PCLO: variants seen among roughly 807,000 people sequenced by gnomAD.
PCLO encodes piccolo presynaptic cytomatrix protein.
A neutral mutation model predicts 427.5 loss-of-function variants in PCLO; 82 were observed. The ratio of observed to expected loss-of-function variants is 0.19; its 90% confidence interval spans 0.16 to 0.23. The LOEUF (loss-of-function observed/expected upper bound fraction) is 0.23. Among genes scored for constraint, PCLO ranks in the 10% least tolerant of loss-of-function variants. The pLI is 1.00. For missense variants in PCLO, 6,239 were observed against 6,115.9 expected (o/e 1.02, Z -0.67); for synonymous variants, 2,357 against 2,155.4 (o/e 1.09, Z -2.59).
chr7:83,061,549 T>G (rs1289548117), intron 3 of PCLO, among the ~76,000 whole-genome samples: 2 of 152,196 alleles, frequency 1.3e-5, no homozygotes, highest in African/African-American at 4.8e-5. Flanking sequence ...AAAAGGCATG[T>G]GTACAAGGGA....
At chr7:82,980,468 G>A (rs1331516951) in intron 3 of PCLO, among the ~76,000 whole-genome samples, 2 of 152,118 alleles carry the variant, frequency 1.3e-5, no homozygotes, top group Non-Finnish European at 2.9e-5. Flanking sequence ...AAAGTGGCAT[G>A]ATTGAGCCTG....
chr7:82,985,941 T>A (rs1036300092), intron 3 of PCLO, among the ~76,000 whole-genome samples: 1 of 151,970 alleles, frequency 6.6e-6, no homozygotes, highest in Non-Finnish European at 1.5e-5. Flanking sequence ...GAAACAAATA[T>A]TCATTTTAGT....
Position 83,107,264 on chromosome 7 carries a change from T to C in PCLO, c.3300+26986A>G, listed in dbSNP as rs577432940. 2.7e-3 allele frequency among the ~76,000 whole-genome samples: 410 copies of C among 152,260 alleles called. 2 individuals are homozygous for C. The highest frequency in any genetic ancestry group is 9.5e-3 in the African/African-American group (394 of 41,558). On this transcript the variant is annotated intron_variant, in intron 3 of 24. Transcript: ENST00000333891. ...CTGAATAATCATAGGAAATAAAATG[T>C]ACCTCTATTTACATTTTCTATGTAG...
intron 3 of PCLO, among the ~76,000 whole-genome samples, chr7:82,995,039 A>G (rs970705986): frequency 9.9e-5 from 15 of 152,028 alleles, no homozygotes; most frequent in Admixed American, 8.5e-4. Flanking sequence ...TAGGCTATGA[A>G]GTGATGATGC....
At chr7:82,921,148 G>A (rs1455318157) in intron 6 of PCLO, among the ~76,000 whole-genome samples, 5 of 151,640 alleles carry the variant, frequency 3.3e-5, no homozygotes, top group Non-Finnish European at 2.9e-5. Flanking sequence ...TCACCATACT[G>A]CCCAAAGCAA....
intron 9 of PCLO, among the ~76,000 whole-genome samples, chr7:82,892,683 C>T (rs1793799308): frequency 6.6e-6 from 1 of 152,000 alleles, no homozygotes; most frequent in Admixed American, 6.6e-5. Flanking sequence ...CCTCATCTGA[C>T]AAAGGGCTAA....
At chr7:83,097,513 C>A (rs920892987) in intron 3 of PCLO, among the ~76,000 whole-genome samples, 3 of 133,166 alleles carry the variant, frequency 2.3e-5, no homozygotes, top group South Asian at 2.3e-4. Context: ...CAGAGCAAGA[C>A]CCAGTCTCAA....
At chr7:83,040,622 C>G (rs1019930067) in intron 3 of PCLO, among the ~76,000 whole-genome samples, 7 of 152,168 alleles carry the variant, frequency 4.6e-5, no homozygotes, top group African/African-American at 9.7e-5. Flanking sequence ...GACCTACATA[C>G]AGTTCAGCCT....
rs866989104 is a variant in PCLO, at chr7:82,956,086, C to T, written c.4867G>A (p.Ala1623Thr). The T allele has an allele frequency of 1.2e-6, 2 of 1,611,514 alleles. No homozygotes were observed. Among genetic ancestry groups the T allele is most frequent in the Non-Finnish European group, 1.7e-6 (2 of 1,179,858 alleles). The change falls in exon 5 of 25, where the codon GCA (alanine) becomes ACA (threonine). Residue 1623 changes from alanine (A) to threonine (T), a missense_variant. This residue lies in a region of PCLO where 4,677 missense variants were observed against 4,468.4 expected (regional missense o/e 1.05). Coordinates refer to ENST00000333891, the MANE Select transcript of PCLO (RefSeq NM_033026.6). ...TCATGCCATGAGTGACGTCTTCCTG[C>T]ATCTTCATCAATGCTTGTGCTACTT... ...RKSSTSIDEDAGRRHSWHDED... is the reference protein window; with the variant it reads ...RKSSTSIDEDTGRRHSWHDED...
chr7:83,161,904 A>T (rs1792447037), intron 1 of PCLO, among the ~76,000 whole-genome samples: 1 of 152,240 alleles, frequency 6.6e-6, no homozygotes, highest in South Asian at 2.1e-4. Context: ...TTAAAGTTAC[A>T]GAAATATTTA....
At chr7:83,025,062 G>A (rs1171163559) in intron 3 of PCLO, among the ~76,000 whole-genome samples, 1 of 152,144 alleles carries the variant, frequency 6.6e-6, no homozygotes, top group South Asian at 2.1e-4. Context: ...CTCCTCCAAA[G>A]GAACGCAGTT....
At chr7:82,794,206 T>G (rs952147358) in intron 22 of PCLO, among the ~76,000 whole-genome samples, 2 of 152,042 alleles carry the variant, frequency 1.3e-5, no homozygotes, top group African/African-American at 4.8e-5. Context: ...TGTCTCACGC[T>G]GCAAGTTTAT....
intron 3 of PCLO, among the ~76,000 whole-genome samples, chr7:83,069,799 C>CACACACA (rs1554390633): frequency 7.9e-5 from 6 of 75,512 alleles, no homozygotes; most frequent in Admixed American, 1.8e-4. Context: ...ACCCCCCCGC[C>CACACACA]CACACACACA....
chr7:82,950,508 T>C lies in PCLO; in HGVS notation c.10080A>G (p.Ser3360=), dbSNP rs769480819. The change falls in exon 6 of 25, where the codon TCA becomes TCG. Residue 3360 remains serine (S), a synonymous_variant. Transcript: ENST00000333891. ...GTGGTATTTCAATTGCCACAACAGC[T>C]GAAGCTGTGGTGGTTGCATCTTCAG... ...WATEDATTTA[S]AVVAIEIPQS... The C allele has an allele frequency of 1.9e-6, 3 of 1,613,746 alleles. No homozygotes were observed. The highest frequency in any genetic ancestry group is 2.2e-5 in the East Asian group (1 of 44,832).
chr7:82,915,945 C>T lies in PCLO; in HGVS notation c.12041G>A (p.Gly4014Asp). Residue 4014 changes from glycine (G) to aspartate (D), a missense_variant, in exon 7 of 25, where the codon GGT becomes GAT. By Grantham distance (94) the Gly-to-Asp change is moderately conservative. Coordinates refer to ENST00000333891, the MANE Select transcript of PCLO (RefSeq NM_033026.6). ...SKYNSLDLRI[G>D]LEERSSMASS... ...TGCCATGCTACTTCTTTCCTCCAAA[C>T]CTATTCTCAAGTCTAAACTATTGTA... 1 of 1,613,126 alleles carries T rather than the reference C, an allele frequency of 6.2e-7. No individual in the cohort carries two copies. The highest frequency in any genetic ancestry group is 8.5e-7 in the Non-Finnish European group (1 of 1,179,764).
intron 10 of PCLO, among the ~76,000 whole-genome samples, chr7:82,874,634 G>T (rs142650332): frequency 6.6e-6 from 1 of 152,048 alleles, no homozygotes; most frequent in African/African-American, 2.4e-5. Context: ...ACAGTCAAGA[G>T]AAAATACAGT....
intron 3 of PCLO, among the ~76,000 whole-genome samples, chr7:83,084,412 G>T: frequency 6.6e-6 from 1 of 152,066 alleles, no homozygotes; most frequent in East Asian, 1.9e-4. Context: ...ATTCACAGCT[G>T]TCTTTACATT....
chr7:82,980,455 T>C (rs1024586422), intron 3 of PCLO, among the ~76,000 whole-genome samples: 1 of 152,072 alleles, frequency 6.6e-6, no homozygotes, highest in African/African-American at 2.4e-5. Context: ...ATTTTTGAGT[T>C]AGAAAGTGGC....
intron 3 of PCLO, among the ~76,000 whole-genome samples, chr7:83,095,375 T>A (rs74838200): frequency 0.043 from 6,484 of 152,048 alleles, 481 homozygotes; most frequent in African/African-American, 0.15. Flanking sequence ...TGAACTTTTT[T>A]AAAAAGTTCC....
Sources: gnomAD v4.1 joint callset for allele counts (sites outside exome capture counted in the v4.1 genomes callset) on GRCh38, gnomAD v4.1.1 for gene constraint, gnomAD v4.1.1 regional missense constraint, MANE v1.5 for transcripts, NCBI Gene and HGNC (gene_info 2026-07-23, HGNC 2026-07-21) for gene names.